Variants in KIAA1328 observed in about 807,000 individuals in gnomAD.
The protein encoded by KIAA1328 is protein hinderin.
In KIAA1328, 52 loss-of-function variants were observed where a neutral mutation model predicts 68.1. The observed-to-expected ratio is 0.76, with a 90% confidence interval of 0.61 to 0.96. The LOEUF is 0.96. Ranked by LOEUF, KIAA1328 falls within the 40% of genes least tolerant of loss-of-function variation. KIAA1328 has a pLI of 0.00. For synonymous variants in KIAA1328, 232 were observed against 239.4 expected (o/e 0.97, Z 0.28); for missense variants, 641 against 677.6 (o/e 0.95, Z 0.60).
At chr18:37,185,267 C>G (rs2059774366) in intron 9 of KIAA1328, among the ~76,000 whole-genome samples, 1 of 152,126 alleles carries the variant, frequency 6.6e-6, no homozygotes, top group African/African-American at 2.4e-5. Context: ...AAGCACCACC[C>G]CGTTGACAAG....
intron 5 of KIAA1328, among the ~76,000 whole-genome samples, chr18:36,925,269 G>T (rs1460694399): frequency 6.6e-6 from 1 of 152,080 alleles, no homozygotes; most frequent in Non-Finnish European, 1.5e-5. Flanking sequence ...ATATATAATG[G>T]CAGAATACTA....
chr18:37,200,341 CTA>C (rs1198913558), intron 9 of KIAA1328, among the ~76,000 whole-genome samples: 1 of 152,190 alleles, frequency 6.6e-6, no homozygotes, highest in African/African-American at 2.4e-5. Context: ...TAGTGATTGA[CTA>C]TACATTGTTG....
rs543438354 is a variant in KIAA1328, at chr18:37,047,740, T to A, written c.577-19150T>A. On this transcript the variant is annotated intron_variant, in intron 6 of 9. Transcript: ENST00000280020. ...TGCTGCTGCTCTTTATATATAGCAC[T>A]CTTGATAGACTTTATCACGTAAAAT... is the stretch of plus-strand genomic sequence containing the variant. 2.0e-5 allele frequency among the ~76,000 whole-genome samples: 3 copies of A among 152,310 alleles called. No homozygotes were observed. In the East Asian group the frequency reaches 5.8e-4, roughly 29 times the overall value.
intron 6 of KIAA1328, among the ~76,000 whole-genome samples, chr18:36,971,051 T>C (rs2052183440): frequency 6.6e-6 from 1 of 152,220 alleles, no homozygotes; most frequent in Middle Eastern, 3.4e-3. Flanking sequence ...CTTCAAACTA[T>C]ACTACAAGGC....
At chr18:37,002,755 G>C (rs901520514) in intron 6 of KIAA1328, among the ~76,000 whole-genome samples, 3 of 152,068 alleles carry the variant, frequency 2.0e-5, no homozygotes, top group Non-Finnish European at 4.4e-5. Flanking sequence ...TCATTAAGTT[G>C]ACCATATTGC....
intron 6 of KIAA1328, among the ~76,000 whole-genome samples, chr18:36,963,461 T>A (rs1025414991): frequency 1.3e-4 from 20 of 152,218 alleles, no homozygotes; most frequent in African/African-American, 4.3e-4. Context: ...GAGCTGATAG[T>A]GAAGAAATAG....
intron 7 of KIAA1328, among the ~76,000 whole-genome samples, chr18:37,072,124 T>C (rs900388822): frequency 2.0e-5 from 3 of 152,172 alleles, no homozygotes; most frequent in Non-Finnish European, 4.4e-5. Context: ...GTTCTTCCTT[T>C]CTGATGTTCC....
At chr18:37,162,409 A>G (rs1341288539) in intron 8 of KIAA1328, among the ~76,000 whole-genome samples, 1 of 152,122 alleles carries the variant, frequency 6.6e-6, no homozygotes, top group African/African-American at 2.4e-5. Context: ...TTATTCTAAT[A>G]TGGAGCTGTT....
chr18:36,836,230 T>TG (rs1259074437), intron 3 of KIAA1328, among the ~76,000 whole-genome samples: 16 of 152,326 alleles, frequency 1.1e-4, no homozygotes, highest in African/African-American at 3.6e-4. Flanking sequence ...CTTGTACCAG[T>TG]GTACCCACTT....
chr18:37,052,222 C>A (rs1404491136), intron 6 of KIAA1328, among the ~76,000 whole-genome samples: 7 of 152,022 alleles, frequency 4.6e-5, no homozygotes, highest in Non-Finnish European at 7.4e-5. Context: ...GTGATTCACT[C>A]CATAAACAGA....
chr18:37,129,297 T>G (rs2058465481), intron 7 of KIAA1328, among the ~76,000 whole-genome samples: 1 of 152,096 alleles, frequency 6.6e-6, no homozygotes. Flanking sequence ...CAGCATTATT[T>G]CCAGTGGAAA....
chr18:37,156,351 G>A (rs1223208471), intron 7 of KIAA1328, among the ~76,000 whole-genome samples: 6 of 150,148 alleles, frequency 4.0e-5, no homozygotes, highest in Non-Finnish European at 7.4e-5. Flanking sequence ...GCTTGAACCC[G>A]GGAGGCAGAG....
intron 9 of KIAA1328, among the ~76,000 whole-genome samples, chr18:37,178,310 G>A (rs183301058): frequency 3.0e-3 from 460 of 152,202 alleles, no homozygotes; most frequent in South Asian, 6.8e-3. Context: ...TTGTTGGAAA[G>A]CAATTGAGGC....
chr18:37,151,586 A>G (rs1427674799), intron 7 of KIAA1328, among the ~76,000 whole-genome samples: 3 of 152,156 alleles, frequency 2.0e-5, no homozygotes, highest in Non-Finnish European at 2.9e-5. Flanking sequence ...GCATAAATAG[A>G]TCGATGGAAA....
chr18:37,098,487 T>A (rs1164463757), intron 7 of KIAA1328, among the ~76,000 whole-genome samples: 3 of 152,240 alleles, frequency 2.0e-5, no homozygotes, highest in Non-Finnish European at 4.4e-5. Flanking sequence ...AGTATTTTAT[T>A]GAGGATTTTT....
chr18:36,898,276 T>C (rs2048927503), intron 5 of KIAA1328, among the ~76,000 whole-genome samples: 1 of 152,004 alleles, frequency 6.6e-6, no homozygotes, highest in South Asian at 2.1e-4. Context: ...AGTAACTAGC[T>C]TTCTGGTTTT....
At chr18:37,089,889 C>T (rs569861829) in intron 7 of KIAA1328, among the ~76,000 whole-genome samples, 11 of 152,150 alleles carry the variant, frequency 7.2e-5, no homozygotes, top group East Asian at 3.9e-4. Flanking sequence ...AAAAAGAAAC[C>T]GGAGGACTTA....
At chr18:36,999,735 C>G (rs534395421) in intron 6 of KIAA1328, among the ~76,000 whole-genome samples, 2 of 152,170 alleles carry the variant, frequency 1.3e-5, no homozygotes, top group South Asian at 4.2e-4. Flanking sequence ...TTTGCTAGAA[C>G]TAGACCAGAC....
intron 7 of KIAA1328, among the ~76,000 whole-genome samples, chr18:37,087,622 A>G (rs1191846435): frequency 1.3e-5 from 2 of 152,210 alleles, no homozygotes; most frequent in Admixed American, 6.5e-5. Flanking sequence ...TATATTATGA[A>G]CAGAGCTTGT....
Sources: gnomAD v4.1 joint callset for allele counts (sites outside exome capture counted in the v4.1 genomes callset) on GRCh38, gnomAD v4.1.1 for gene constraint, MANE v1.5 for transcripts, NCBI Gene and HGNC (gene_info 2026-07-23, HGNC 2026-07-21) for gene names.